The following ZNF514 variants were observed in gnomAD, a reference collection of about 807,000 sequenced individuals.
ZNF514 encodes zinc finger protein 514.
ZNF514 carries 12 observed loss-of-function variants against 9.7 expected under a neutral mutation model. The observed-to-expected ratio is 1.24, with a 90% CI of 0.79 to 2.01. The LOEUF (loss-of-function observed/expected upper bound fraction) is 2.01, where lower values mean the gene tolerates loss of function less well. ZNF514 is among the 30% of genes most tolerant of loss of function. The pLI, the probability that ZNF514 is intolerant of heterozygous loss-of-function variation, is 0.00. For missense variants in ZNF514, 467 were observed against 465.5 expected, an observed-to-expected ratio of 1.00 and a Z score of -0.03; for synonymous variants, 158 against 163.7, an observed-to-expected ratio of 0.97 and a Z score of 0.27.
chr2:95,126,794 C>T, the ZNF514 span, among the ~76,000 whole-genome samples: 2 of 151,488 alleles, frequency 1.3e-5, no homozygotes, highest in African/African-American at 2.4e-5. Flanking sequence ...TTCTTGGAAA[C>T]AGGATCTTGC....
chr2:95,138,892 T>C, the ZNF514 span, among the ~76,000 whole-genome samples: 1 of 152,216 alleles, frequency 6.6e-6, no homozygotes, highest in Admixed American at 6.5e-5. Flanking sequence ...CCCTGAGGCC[T>C]AGGAGGACTG....
chr2:95,148,905 C>A lies in ZNF514; in HGVS notation c.*377G>T. 1 of 188,772 alleles carries A rather than the reference C, an allele frequency of 5.3e-6. No homozygotes were observed. The highest frequency in any genetic ancestry group is 1.5e-4 in the South Asian group (1 of 6,752). The allele number at this position is 188,772 out of a possible 1,614,324, so 11.7% of individuals were successfully genotyped here. A position where few individuals can be genotyped will look rare whatever the true frequency, so the allele number is the denominator to read the frequency against. ...CTTACCACACTTGTAGGATTTCTCT[C>A]CAGTACAAGTTATCTGATTTTCTTA... On this transcript the variant is annotated 3_prime_UTR_variant, in exon 5 of 5. Coordinates refer to ENST00000295208, the MANE Select transcript of ZNF514 (RefSeq NM_032788.3).
chr2:95,126,409 A>AAAGAAAGG, the ZNF514 span, among the ~76,000 whole-genome samples: 5 of 145,178 alleles, frequency 3.4e-5, no homozygotes, highest in East Asian at 5.9e-4. Flanking sequence ...AGAAAGAAAG[A>AAAGAAAGG]AAGGAAGAAA....
chr2:95,144,408 G>A (rs954106668), downstream of ZNF514, among the ~76,000 whole-genome samples: 7 of 152,102 alleles, frequency 4.6e-5, no homozygotes, highest in Non-Finnish European at 7.3e-5. Context: ...TCAACTGTGA[G>A]GTCAATGATT....
rs1290347241 is a variant in ZNF514 at position 95,145,895 on chromosome 2, G to A, written c.*3387C>T. 1.3e-5 allele frequency among the ~76,000 whole-genome samples: 2 copies of A among 152,190 alleles called. No homozygotes were observed. Among genetic ancestry groups the A allele is most frequent in the Non-Finnish European group, 2.9e-5 (2 of 68,038 alleles). ...CTACAAGATAAATCCTCACTCCCGT[G>A]TTTGGTAATGTCCTCTTTAGGCTGC... On this transcript the variant is annotated 3_prime_UTR_variant, in exon 5 of 5. Coordinates refer to ENST00000295208, the MANE Select transcript of ZNF514 (RefSeq NM_032788.3).
chr2:95,124,359 T>C, the ZNF514 span, among the ~76,000 whole-genome samples: 1 of 152,356 alleles, frequency 6.6e-6, no homozygotes, highest in South Asian at 2.1e-4. Context: ...TTGACGTCTA[T>C]CCAAGTAGTT....
chr2:95,123,613 G>T, the ZNF514 span, among the ~76,000 whole-genome samples: 1 of 152,208 alleles, frequency 6.6e-6, no homozygotes, highest in East Asian at 1.9e-4. Flanking sequence ...AATTCCTCAT[G>T]AAGCTGTGGG....
chr2:95,148,728 AG>A lies in ZNF514; in HGVS notation c.*553del, dbSNP rs1673433128. On this transcript the variant is annotated 3_prime_UTR_variant, in exon 5 of 5. Transcript: ENST00000295208. ...GCTCTCCCACATTACCCACATTCAC[AG>A]GTTTTTCTCAGGTATGAATTTTCTG... is the stretch of plus-strand genomic sequence containing the variant. 1 of 152,864 alleles carries A rather than the reference AG, an allele frequency of 6.5e-6. No individual in the cohort carries two copies. Among genetic ancestry groups the A allele is most frequent in the African/African-American group, 2.4e-5 (1 of 41,446 alleles). The allele number at this position is 152,864 out of a possible 1,614,324, so 9.5% of individuals were successfully genotyped here.
At chr2:95,135,023 G>A in the ZNF514 span, among the ~76,000 whole-genome samples, 1 of 152,170 alleles carries the variant, frequency 6.6e-6, no homozygotes, top group Non-Finnish European at 1.5e-5. Flanking sequence ...ATTAGTAAGT[G>A]TGAGTCCTTC....
chr2:95,152,533 C>T, intron 4 of ZNF514, 141 bp downstream of exon 4: 1 of 660,196 alleles, frequency 1.5e-6, no homozygotes, highest in Non-Finnish European at 2.7e-6. Context: ...GAAATAATTA[C>T]AAAATTCAAC....
rs1429803683 is a variant in ZNF514 at position 95,149,155 on chromosome 2, G to A, written c.*127C>T. ...ACAGGGATTCTCTTTAGTAATTATT[G>A]CCTGATGTGGAACAAGATGTGGTCT... On this transcript the variant is annotated 3_prime_UTR_variant, in exon 5 of 5. Coordinates refer to ENST00000295208, the MANE Select transcript of ZNF514 (RefSeq NM_032788.3). 1 of 1,184,166 alleles carries A rather than the reference G, an allele frequency of 8.4e-7. No homozygotes were observed. The highest frequency in any genetic ancestry group is 1.5e-5 in the African/African-American group (1 of 65,352). 73.4% of individuals were successfully genotyped at this position (1,184,166 alleles called of 1,614,324 possible).
chr2:95,132,289 T>TA, the ZNF514 span, among the ~76,000 whole-genome samples: 1 of 145,994 alleles, frequency 6.8e-6, no homozygotes, highest in Admixed American at 6.9e-5. Context: ...AACAGTAAAA[T>TA]AACAAGCAAT....
chr2:95,127,704 G>A, the ZNF514 span, among the ~76,000 whole-genome samples: 5 of 152,116 alleles, frequency 3.3e-5, no homozygotes, highest in East Asian at 1.9e-4. Flanking sequence ...TGCAGCCTCC[G>A]CCTTAGTGGT....
At position 95,149,338 on chromosome 2, in the gene ZNF514, G is replaced by A. The variant is rs375958163; in HGVS notation, c.1147C>T (p.His383Tyr). 6.2e-6 allele frequency: 10 copies of A among 1,610,730 alleles called. No homozygotes were observed. Among genetic ancestry groups the A allele is most frequent in the Non-Finnish European group, 8.5e-6 (10 of 1,177,770 alleles). The change falls in exon 5 of 5, where the codon CAT becomes TAT. Residue 383 changes from histidine (H) to tyrosine (Y), a missense_variant. Transcript: ENST00000295208. ...TGATGTTTAATAAGGGATGCAGTAT[G>A]AGCAAAGGCCCTTCCACACTCATTA... is the stretch of plus-strand genomic sequence containing the variant. Reference protein sequence around the residue: ...KCNECGRAFAHTASLIKHQRS... With the variant: ...KCNECGRAFAYTASLIKHQRS...
chr2:95,150,618 T>A (rs1229940892), intron 4 of ZNF514, among the ~76,000 whole-genome samples: 18 of 152,128 alleles, frequency 1.2e-4, no homozygotes, highest in Admixed American at 1.2e-3. Context: ...AAGTATAGGA[T>A]CGTAAGTCAC....
chr2:95,155,357 C>T (rs1344590382), intron 2 of ZNF514: 4 of 152,268 alleles, frequency 2.6e-5, no homozygotes, highest in African/African-American at 9.6e-5. Context: ...ACCAAGGGTC[C>T]TCACAGTGTC....
Position 95,147,114 on chromosome 2 carries a change from G to C in ZNF514, c.*2168C>G, listed in dbSNP as rs1276004817. 6.6e-6 allele frequency among the ~76,000 whole-genome samples: 1 copy of C among 152,140 alleles called. No homozygotes were observed. The highest frequency in any genetic ancestry group is 1.5e-5 in the Non-Finnish European group (1 of 68,028). ...AATCCTTATTAGGCAAGTATCCTTT[G>C]GTCTACGCCAGCTCCTGGTCTAGGC... On this transcript the variant is annotated 3_prime_UTR_variant, in exon 5 of 5. Transcript: ENST00000295208.
chr2:95,127,854 C>A, the ZNF514 span, among the ~76,000 whole-genome samples: 1 of 152,110 alleles, frequency 6.6e-6, no homozygotes, highest in Non-Finnish European at 1.5e-5. Context: ...GGTAAGCCAC[C>A]TGCCTCGGCC....
In ZNF514 at chr2:95,152,645, A is replaced by G. The variant is rs1673574225; in HGVS notation, c.217+29T>C. The G allele has an allele frequency of 1.9e-6, 3 of 1,596,326 alleles. No individual in the cohort carries two copies. The Admixed American group carries it at 5.0e-5, about 27-fold the overall frequency. ...CCTCCCACCCCAGCTGGGCCTTATCATATGCAATGCTTTCACTCACTCACT... is the reference window on the plus strand; with the variant it reads ...CCTCCCACCCCAGCTGGGCCTTATCGTATGCAATGCTTTCACTCACTCACT... On this transcript the variant is annotated intron_variant, in intron 4 of 4. Transcript: ENST00000295208.
Sources: allele counts gnomAD v4.1 joint callset (sites outside exome capture counted in the v4.1 genomes callset), GRCh38; gene constraint gnomAD v4.1.1; transcripts MANE v1.5; gene names NCBI Gene and HGNC (gene_info 2026-07-23, HGNC 2026-07-21).